The following DUOX1 variants were observed in gnomAD, a reference collection of about 807,000 sequenced individuals.
The protein encoded by DUOX1 is dual oxidase 1, also known as NADPH thyroid oxidase 1.
A neutral mutation model predicts 181.8 loss-of-function variants in DUOX1; 134 were observed. The observed-to-expected ratio is 0.74, with a 90% CI of 0.64 to 0.85. DUOX1 has a LOEUF of 0.85. Among genes scored for constraint, DUOX1 ranks in the 40% least tolerant of loss-of-function variants. The probability of loss-of-function intolerance (pLI) is 0.00; values close to 1 mark genes in which losing one functional copy is unlikely to be tolerated. For synonymous variants in DUOX1, 798 were observed against 832.5 expected (o/e 0.96, Z 0.71); for missense variants, 1,814 against 2,064.4 (o/e 0.88, Z 2.35).
chr15:45,147,654 G>T lies in DUOX1; in HGVS notation c.2544G>T (p.Met848Ile). 6.2e-7 allele frequency: 1 copy of T among 1,614,162 alleles called. No individual in the cohort carries two copies. Among genetic ancestry groups the T allele is most frequent in the Non-Finnish European group, 8.5e-7 (1 of 1,180,020 alleles). Residue 848 changes from methionine to isoleucine, a missense_variant, in exon 19 of 34, where the codon ATG becomes ATT. Met to Ile is a conservative substitution (Grantham distance 10). This residue lies in a region of DUOX1 where 1,064 missense variants were observed against 1,152.9 expected (regional missense o/e 0.92). Coordinates refer to ENST00000389037, the MANE Select transcript of DUOX1 (RefSeq NM_175940.3). ...REFLDILVVF[M>I]KGSPEEKSRL... Reference sequence around the variant, plus strand: ...TCCTGGACATCCTGGTGGTCTTCATGAAAGGTGAGGGAGGAGGGAATGATA... The same window carrying T: ...TCCTGGACATCCTGGTGGTCTTCATTAAAGGTGAGGGAGGAGGGAATGATA...
intron 33 of DUOX1, 91 bp downstream of exon 33, chr15:45,164,009 ACTG>A (rs1897169509): frequency 6.5e-7 from 1 of 1,534,012 alleles, no homozygotes; most frequent in Admixed American, 1.9e-5. Context: ...GAAGAAATCG[ACTG>A]CTGATGAGAA....
At chr15:45,159,726 C>T (rs922824804) in intron 28 of DUOX1, among the ~76,000 whole-genome samples, 3 of 152,322 alleles carry the variant, frequency 2.0e-5, no homozygotes, top group Middle Eastern at 3.4e-3. Context: ...ACTGGGGAAG[C>T]GCCTTTCCCC....
rs148491812 is a variant in DUOX1 at position 45,161,741 on chromosome 15, T to C, written c.3860T>C (p.Val1287Ala). The C allele has an allele frequency of 1.9e-6, 3 of 1,612,910 alleles. No individual in the cohort carries two copies. The highest frequency in any genetic ancestry group is 1.3e-5 in the African/African-American group (1 of 74,772). Reference sequence around the variant, plus strand: ...CTCACCCACCATCCCTCCCCAGGAGTGACCCACCTGCGGTTCCAGCGGCCC... The same window carrying C: ...CTCACCCACCATCCCTCCCCAGGAGCGACCCACCTGCGGTTCCAGCGGCCC... ...VVKAELLPSGVTHLRFQRPQG... is the reference protein window; with the variant it reads ...VVKAELLPSGATHLRFQRPQG... Residue 1287 changes from valine to alanine, a missense_variant, in exon 30 of 34, where the codon GTG becomes GCG. Around this residue, in one of 5 missense-constraint regions of DUOX1, gnomAD observed 279 missense variants for 381.9 expected, o/e 0.73. Transcript: ENST00000389037.
intron 9 of DUOX1, among the ~76,000 whole-genome samples, chr15:45,136,913 C>T (rs544920348): frequency 2.0e-5 from 3 of 152,106 alleles, no homozygotes; most frequent in Admixed American, 6.5e-5. Context: ...TGGTCTAAAC[C>T]TCATGTCTTG....
intron 33 of DUOX1, 55 bp from the exon 34 acceptor site, chr15:45,164,724 C>T (rs534396290): frequency 2.5e-5 from 40 of 1,609,348 alleles, no homozygotes; most frequent in South Asian, 1.9e-4. Context: ...CTGAACACTG[C>T]GTTATCCCTG....
chr15:45,154,185 C>T (rs1896909042), intron 27 of DUOX1, among the ~76,000 whole-genome samples, 185 bp downstream of exon 27: 1 of 152,192 alleles, frequency 6.6e-6, no homozygotes, highest in Admixed American at 6.5e-5. Flanking sequence ...TTCCAGCCCT[C>T]CTCGCAGGAG....
chr15:45,135,059 G>A (rs1346027969), intron 4 of DUOX1, 45 bp from the exon 5 acceptor site: 1 of 1,594,906 alleles, frequency 6.3e-7, no homozygotes, highest in African/African-American at 1.4e-5. Context: ...AAGAAGGAAA[G>A]TGGCCCTCTG....
At position 45,135,286 on chromosome 15, in the gene DUOX1, G is replaced by A; in HGVS notation, c.490G>A (p.Asp164Asn). 3 of 1,608,354 alleles carry A rather than the reference G, an allele frequency of 1.9e-6. No homozygotes were observed. The highest frequency in any genetic ancestry group is 1.7e-5 in the Admixed American group (1 of 59,378). Residue 164 changes from aspartate to asparagine, a missense_variant, in exon 5 of 34, where the codon GAC becomes AAC. Physicochemically the swap from Asp to Asn is conservative, Grantham distance 23 (BLOSUM62 1). This residue lies in a region of DUOX1 where 320 missense variants were observed against 313.1 expected (regional missense o/e 1.02). Coordinates refer to ENST00000389037, the MANE Select transcript of DUOX1 (RefSeq NM_175940.3). ...ETGRSPSNPR[D>N]PANQVTGWLD... ...CGGACGGAGTCCCAGCAATCCCCGG[G>A]ACCCGGTGAGGCGGGGAAGGCGGCG...
At chr15:45,136,072 A>C in intron 7 of DUOX1, 124 bp downstream of exon 7, 1 of 1,532,240 alleles carries the variant, frequency 6.5e-7, no homozygotes, top group Non-Finnish European at 8.8e-7. Context: ...CAGACAGCCG[A>C]GGTCCAGGGA....
At chr15:45,130,355 C>A (rs1896072317) in intron 1 of DUOX1, among the ~76,000 whole-genome samples, 1 of 152,168 alleles carries the variant, frequency 6.6e-6, no homozygotes, top group East Asian at 1.9e-4. Flanking sequence ...CCTGGGCCTG[C>A]GGGTTCTTCT....
chr15:45,159,877 G>A (rs59653817), intron 28 of DUOX1, among the ~76,000 whole-genome samples: 2,185 of 152,278 alleles, frequency 0.014, 57 homozygotes, highest in African/African-American at 0.05. Context: ...ACTGTTGGCC[G>A]CGCGCGGTGG....
In DUOX1 at chr15:45,150,706, G is replaced by A. The variant is rs779293617; in HGVS notation, c.2888+5G>A. On this transcript the variant is annotated splice_donor_5th_base_variant and intron_variant, in intron 22 of 33. Transcript: ENST00000389037. ...CATCAGCCAGGATATGATCTGGTGA[G>A]CACCCATCTGGGAATGTCGGGGGGA... 5 of 1,613,778 alleles carry A rather than the reference G, an allele frequency of 3.1e-6. No homozygotes were observed.
chr15:45,149,532 T>TA (rs397752900), intron 21 of DUOX1, among the ~76,000 whole-genome samples: 1 of 151,976 alleles, frequency 6.6e-6, no homozygotes, highest in Non-Finnish European at 1.5e-5. Flanking sequence ...AGATTTTTTT[T>TA]ATAAAGATTT....
At chr15:45,152,097 T>G in intron 24 of DUOX1, 45 bp downstream of exon 24, 1 of 1,598,516 alleles carries the variant, frequency 6.3e-7, no homozygotes, top group Non-Finnish European at 8.5e-7. Context: ...AGGCTTGCAA[T>G]GAGTGATCGC....
chr15:45,158,570 C>T (rs1897018567), intron 28 of DUOX1, among the ~76,000 whole-genome samples: 1 of 151,778 alleles, frequency 6.6e-6, no homozygotes, highest in Non-Finnish European at 1.5e-5. Flanking sequence ...GGAGTGGTGG[C>T]ATGCGCCTCT....
chr15:45,144,619 A>G (rs1448089567), intron 17 of DUOX1, among the ~76,000 whole-genome samples: 4 of 152,232 alleles, frequency 2.6e-5, no homozygotes, highest in African/African-American at 9.6e-5. Context: ...GGCCTGGCCC[A>G]TGATCCCCTC....
At chr15:45,134,409 C>A (rs1896232950) in intron 4 of DUOX1, 100 bp downstream of exon 4, 1 of 1,322,628 alleles carries the variant, frequency 7.6e-7, no homozygotes, top group African/African-American at 1.5e-5. Flanking sequence ...GATGGAAGGC[C>A]TAAGGGATGA....
intron 21 of DUOX1, chr15:45,148,678 G>C (rs1018243440): frequency 8.6e-6 from 2 of 232,774 alleles, no homozygotes; most frequent in Non-Finnish European, 1.5e-5. Context: ...TGGAGGAAAG[G>C]ACCCAAAAAG....
At chr15:45,142,810 A>AGGAAGGAAGGAAG (rs1491411109) in intron 15 of DUOX1, among the ~76,000 whole-genome samples, 3 of 150,874 alleles carry the variant, frequency 2.0e-5, no homozygotes, top group Admixed American at 6.6e-5. Flanking sequence ...GGAGGGAGGA[A>AGGAAGGAAGGAAG]GAGCAGGCTG....
Sources: gnomAD v4.1 joint callset for allele counts (sites outside exome capture counted in the v4.1 genomes callset) on GRCh38, gnomAD v4.1.1 for gene constraint, gnomAD v4.1.1 regional missense constraint, MANE v1.5 for transcripts, NCBI Gene and HGNC (gene_info 2026-07-23, HGNC 2026-07-21) for gene names.